ATP9A: variants seen among roughly 807,000 people sequenced by gnomAD.
The protein encoded by ATP9A is probable phospholipid-transporting ATPase IIA.
In ATP9A, 52 loss-of-function variants were observed where a neutral mutation model predicts 144.1. The ratio of observed to expected loss-of-function variants is 0.36; its 90% CI spans 0.29 to 0.45. The LOEUF (loss-of-function observed/expected upper bound fraction) is 0.45, where lower values mean the gene tolerates loss of function less well. Among genes scored for constraint, ATP9A ranks in the 20% least tolerant of loss-of-function variants. The pLI is 1.00. For missense variants in ATP9A, 947 were observed against 1,392.7 expected (o/e 0.68, Z 5.09); for synonymous variants, 582 against 557.4 (o/e 1.04, Z -0.62).
intron 3 of ATP9A, among the ~76,000 whole-genome samples, chr20:51,718,691 T>A (rs902281623): frequency 6.7e-6 from 1 of 149,666 alleles, no homozygotes; most frequent in Non-Finnish European, 1.5e-5. Flanking sequence ...GGCCCACATC[T>A]GTAATCCCAG....
rs578061851 is a variant in ATP9A, at chr20:51,736,509, T to C, written c.69-6531A>G. Among the ~76,000 whole-genome samples, 4 of 49,318 alleles carry C rather than the reference T, an allele frequency of 8.1e-5. 1 individual carries two copies. The East Asian group carries it at 3.3e-3, about 41-fold the overall frequency. 32.4% of individuals were successfully genotyped at this position (49,318 alleles called of 152,430 possible). On this transcript the variant is annotated intron_variant, in intron 1 of 27. Coordinates refer to ENST00000338821, the MANE Select transcript of ATP9A (RefSeq NM_006045.3). ...TTACTCTTATTTTTTTTTTTGTCTT[T>C]TGTTTTTGTTTTTTTTTCCTTTTTC... is the stretch of plus-strand genomic sequence containing the variant.
chr20:51,735,585 C>G (rs2077759773), intron 1 of ATP9A, among the ~76,000 whole-genome samples: 1 of 152,136 alleles, frequency 6.6e-6, no homozygotes, highest in Non-Finnish European at 1.5e-5. Flanking sequence ...AGAATCCTTG[C>G]CTTCTCCTTC....
At position 51,671,204 on chromosome 20, in the gene ATP9A, C is replaced by T. The variant is rs770648403; in HGVS notation, c.1091G>A (p.Arg364Lys). The T allele has an allele frequency of 2.5e-6, 4 of 1,614,140 alleles. No individual in the cohort carries two copies. Among genetic ancestry groups the T allele is most frequent in the Admixed American group, 1.7e-5 (1 of 60,008 alleles). The change falls in exon 12 of 28, where the codon AGG becomes AAG. Residue 364 changes from arginine (R) to lysine (K), a missense_variant. Arg to Lys is a conservative substitution (Grantham distance 26). Transcript: ENST00000338821. Reference protein sequence around the residue: ...GKIVYSWVIRRDSKIPGTVVR... With the variant: ...GKIVYSWVIRKDSKIPGTVVR... ...CACGGTCCCGGGGATTTTCGAGTCC[C>T]TTCGAATCACCCAGCTGTACACGAT...
intron 17 of ATP9A, 95 bp downstream of exon 17, chr20:51,627,505 T>A: frequency 8.7e-7 from 1 of 1,148,234 alleles, no homozygotes; most frequent in East Asian, 2.4e-5. Flanking sequence ...AGAAATGACA[T>A]CAGAATGGCT....
rs779610357 is a variant in ATP9A at position 51,670,072 on chromosome 20, G to A, written c.1218C>T (p.Leu406=). Residue 406 remains leucine (L), a synonymous_variant, in exon 13 of 28, where the codon CTC becomes CTT. Transcript: ENST00000338821. ...GGCCGTAGGCTACTGTTCCGAGATGGAGCCGTTTGAAAATCATCTCGTTCT... is the reference window on the plus strand; with the variant it reads ...GGCCGTAGGCTACTGTTCCGAGATGAAGCCGTTTGAAAATCATCTCGTTCT... The part of the protein sequence containing the change: ...LTQNEMIFKR[L]HLGTVAYGLD... The A allele has an allele frequency of 4.3e-6, 7 of 1,614,074 alleles. No homozygotes were observed. The highest frequency in any genetic ancestry group is 5.9e-6 in the Non-Finnish European group (7 of 1,180,042).
chr20:51,698,894 C>T (rs747425893), intron 4 of ATP9A, among the ~76,000 whole-genome samples: 1 of 152,200 alleles, frequency 6.6e-6, no homozygotes, highest in Non-Finnish European at 1.5e-5. Flanking sequence ...GGTGGCCCCA[C>T]ACCCTGTGAG....
intron 3 of ATP9A, among the ~76,000 whole-genome samples, chr20:51,714,416 C>T (rs1259589684): frequency 6.6e-6 from 1 of 151,780 alleles, no homozygotes; most frequent in Non-Finnish European, 1.5e-5. Flanking sequence ...GAGTCTCACT[C>T]TGTTACCCAG....
intron 21 of ATP9A, 142 bp downstream of exon 21, chr20:51,618,520 G>C: frequency 8.3e-7 from 1 of 1,210,444 alleles, no homozygotes; most frequent in African/African-American, 1.5e-5. Context: ...GCCAAAGTCT[G>C]AGAGGTGGAG....
At chr20:51,713,313 G>T (rs1465829393) in intron 3 of ATP9A, among the ~76,000 whole-genome samples, 1 of 152,118 alleles carries the variant, frequency 6.6e-6, no homozygotes, top group African/African-American at 2.4e-5. Flanking sequence ...AACACTCACT[G>T]CCACACACAC....
chr20:51,618,118 G>C (rs1457071941), intron 21 of ATP9A, among the ~76,000 whole-genome samples: 1 of 151,974 alleles, frequency 6.6e-6, no homozygotes, highest in Non-Finnish European at 1.5e-5. Context: ...AACTCGGGAG[G>C]CTGAGGCAGG....
At chr20:51,617,299 T>C (rs79784095) in intron 22 of ATP9A, among the ~76,000 whole-genome samples, 191 bp downstream of exon 22, 6,762 of 152,218 alleles carry the variant, frequency 0.044, 405 homozygotes, top group African/African-American at 0.14. Context: ...AAAGCCAACA[T>C]TCATCTGTCT....
intron 13 of ATP9A, among the ~76,000 whole-genome samples, chr20:51,666,164 T>TTG (rs1461219420): frequency 2.6e-5 from 4 of 152,212 alleles, no homozygotes; most frequent in Non-Finnish European, 5.9e-5. Context: ...TCGCTTCCTG[T>TTG]ACCCCAGTGG....
At chr20:51,742,019 TA>T (rs2077787238) in intron 1 of ATP9A, among the ~76,000 whole-genome samples, 1 of 152,194 alleles carries the variant, frequency 6.6e-6, no homozygotes. Flanking sequence ...TCCATTTACA[TA>T]AATGTATTTT....
chr20:51,610,010 C>A, intron 24 of ATP9A, 91 bp downstream of exon 24: 1 of 1,222,114 alleles, frequency 8.2e-7, no homozygotes. Context: ...GGCTTGGGAA[C>A]CCAAGAATTT....
chr20:51,682,348 C>A (rs1033321715), intron 9 of ATP9A, among the ~76,000 whole-genome samples: 1 of 151,930 alleles, frequency 6.6e-6, no homozygotes, highest in Non-Finnish European at 1.5e-5. Context: ...AATGGTGAAC[C>A]GTCCACAAAA....
chr20:51,748,499 T>A (rs1298047827), intron 1 of ATP9A, among the ~76,000 whole-genome samples: 1 of 152,248 alleles, frequency 6.6e-6, no homozygotes, highest in Non-Finnish European at 1.5e-5. Flanking sequence ...TTATAAAATG[T>A]TGGCAACTGA....
intron 3 of ATP9A, among the ~76,000 whole-genome samples, chr20:51,725,228 T>C (rs2077707209): frequency 6.6e-6 from 1 of 152,212 alleles, no homozygotes; most frequent in African/African-American, 2.4e-5. Flanking sequence ...GTTCAAGCGA[T>C]TCTCCTGCCT....
chr20:51,734,732 C>A, intron 1 of ATP9A: 1 of 199,654 alleles, frequency 5.0e-6, no homozygotes, highest in Admixed American at 4.8e-5. Context: ...TCCTGAGGAA[C>A]ATGCACTTTG....
intron 13 of ATP9A, among the ~76,000 whole-genome samples, chr20:51,657,474 G>A (rs572003598): frequency 6.6e-5 from 10 of 152,238 alleles, no homozygotes; most frequent in African/African-American, 2.4e-4. Context: ...CCACTGCACT[G>A]AAAGGGATCC....
Sources: allele counts gnomAD v4.1 joint callset (sites outside exome capture counted in the v4.1 genomes callset), GRCh38; gene constraint gnomAD v4.1.1; transcripts MANE v1.5; gene names NCBI Gene and HGNC (gene_info 2026-07-23, HGNC 2026-07-21).